Variants in VPS4B observed in about 807,000 individuals in gnomAD.
VPS4B encodes the protein vacuolar protein sorting 4 homolog B.
A neutral mutation model predicts 56.1 loss-of-function variants in VPS4B; 23 were observed. That is an observed-to-expected ratio of 0.41 (90% CI 0.30 to 0.58). VPS4B has a LOEUF of 0.58. VPS4B is among the 20% of genes least tolerant of loss of function. The pLI, the probability that VPS4B is intolerant of heterozygous loss-of-function variation, is 0.29. For synonymous variants in VPS4B, 177 were observed against 186.0 expected (o/e 0.95, Z 0.39); for missense variants, 372 against 531.9 (o/e 0.70, Z 2.96).
chr18:63,403,481 G>A (rs1915855289), intron 5 of VPS4B, among the ~76,000 whole-genome samples: 1 of 152,172 alleles, frequency 6.6e-6, no homozygotes, highest in African/African-American at 2.4e-5. Flanking sequence ...GCATGTTGGT[G>A]AATTACCCTA....
intron 9 of VPS4B, among the ~76,000 whole-genome samples, chr18:63,395,934 G>A (rs1316722113): frequency 6.6e-6 from 1 of 152,176 alleles, no homozygotes; most frequent in Non-Finnish European, 1.5e-5. Flanking sequence ...TACTGTGTTA[G>A]CACCTACGTC....
intron 9 of VPS4B, among the ~76,000 whole-genome samples, chr18:63,395,909 C>T (rs534073189): frequency 3.3e-5 from 5 of 152,340 alleles, no homozygotes; most frequent in African/African-American, 9.6e-5. Context: ...AATCACATGT[C>T]TGTCCCACTC....
intron 9 of VPS4B, among the ~76,000 whole-genome samples, chr18:63,393,833 T>A (rs1014915432): frequency 2.0e-5 from 3 of 152,160 alleles, no homozygotes; most frequent in East Asian, 1.9e-4. Flanking sequence ...ACCTCCTGGG[T>A]TCAAGGGATT....
intron 3 of VPS4B, among the ~76,000 whole-genome samples, chr18:63,408,907 A>G (rs1915974400): frequency 6.6e-6 from 1 of 152,224 alleles, no homozygotes; most frequent in Admixed American, 6.5e-5. Flanking sequence ...AAGAGCTTCT[A>G]TGGACAAGGG....
intron 4 of VPS4B, 59 bp from the exon 5 acceptor site, chr18:63,403,885 C>T: frequency 1.3e-6 from 2 of 1,537,810 alleles, no homozygotes; most frequent in Non-Finnish European, 1.8e-6. Context: ...AGTTAGAAGA[C>T]AACATGAAAT....
At chr18:63,398,204 C>CACACACACACATATATATAT (rs1298374245) in intron 8 of VPS4B, among the ~76,000 whole-genome samples, 1 of 112,496 alleles carries the variant, frequency 8.9e-6, no homozygotes, top group African/African-American at 3.3e-5. Context: ...CACACACACA[C>CACACACACACATATATATAT]ATATATATAT....
At chr18:63,411,198 A>T (rs1328878993) in intron 2 of VPS4B, among the ~76,000 whole-genome samples, 2 of 152,272 alleles carry the variant, frequency 1.3e-5, no homozygotes, top group Non-Finnish European at 2.9e-5. Flanking sequence ...ATCTGTAAAG[A>T]CACAAATAGA....
intron 1 of VPS4B, among the ~76,000 whole-genome samples, chr18:63,421,903 A>C (rs1200183784): frequency 1.3e-5 from 2 of 152,220 alleles, no homozygotes; most frequent in African/African-American, 2.4e-5. Context: ...GGTCCAGAAT[A>C]GGGCTTTGCA....
chr18:63,402,214 G>A (rs1915827341), intron 5 of VPS4B, among the ~76,000 whole-genome samples: 1 of 152,176 alleles, frequency 6.6e-6, no homozygotes, highest in Non-Finnish European at 1.5e-5. Context: ...ATAACATGAA[G>A]TACTTTTAGG....
chr18:63,419,247 TCCC>T (rs1337527238), intron 1 of VPS4B, among the ~76,000 whole-genome samples: 5 of 152,106 alleles, frequency 3.3e-5, no homozygotes, highest in Non-Finnish European at 7.3e-5. Flanking sequence ...ACACAGCGAA[TCCC>T]CGTCTCTACA....
At chr18:63,417,959 G>A (rs965231244) in intron 1 of VPS4B, among the ~76,000 whole-genome samples, 1 of 152,178 alleles carries the variant, frequency 6.6e-6, no homozygotes, top group African/African-American at 2.4e-5. Context: ...TACCTCAGAA[G>A]AGGTGTCCCA....
At chr18:63,415,302 A>C (rs1916137162) in intron 1 of VPS4B, 1 of 161,776 alleles carries the variant, frequency 6.2e-6, no homozygotes, top group Non-Finnish European at 1.4e-5. Flanking sequence ...GATCCATACA[A>C]AGGACATCCC....
chr18:63,403,913 G>T, intron 4 of VPS4B, 87 bp from the exon 5 acceptor site: 5 of 1,436,250 alleles, frequency 3.5e-6, no homozygotes, highest in South Asian at 1.4e-5. Context: ...TTAAAGAAAC[G>T]CATTATAAAA....
chr18:63,400,663 C>G lies in VPS4B; in HGVS notation c.525G>C (p.Pro175=), dbSNP rs776104597. Residue 175 remains proline, a synonymous_variant, in exon 6 of 11, where the codon CCG becomes CCC. Transcript: ENST00000238497. ...TPWRGILLFG[P]PGTGKSYLAK... The stretch of plus-strand genomic sequence containing the variant: ...CTAAGTAGGACTTTCCTGTTCCAGG[C>G]GGCCCAAATAATAGGATTCCCCTCC... 69 of 1,604,514 alleles carry G rather than the reference C, an allele frequency of 4.3e-5. No individual in the cohort carries two copies. Among genetic ancestry groups the G allele is most frequent in the Middle Eastern group, 3.3e-4 (2 of 6,052 alleles).
intron 1 of VPS4B, among the ~76,000 whole-genome samples, chr18:63,413,285 C>T (rs112678410): frequency 6.6e-6 from 1 of 152,284 alleles, no homozygotes; most frequent in African/African-American, 2.4e-5. Context: ...CTTACAACTG[C>T]GTGTGAATCT....
chr18:63,392,392 A>G (rs1488791428), intron 10 of VPS4B, among the ~76,000 whole-genome samples: 4 of 152,206 alleles, frequency 2.6e-5, no homozygotes, highest in Admixed American at 2.6e-4. Flanking sequence ...TTGAGAAGTG[A>G]AATAGAAAAC....
Position 63,422,323 on chromosome 18 carries a change from G to A in VPS4B, c.-64C>T. On this transcript the variant is annotated 5_prime_UTR_variant, in exon 1 of 11. Transcript: ENST00000238497. ...GAGGAGAGCCAACAGCAGCAACGTC[G>A]AAGCGCGCACGGGGTAACAGCCCTC... The A allele has an allele frequency of 5.6e-6, 8 of 1,423,230 alleles. No individual in the cohort carries two copies. Among genetic ancestry groups the A allele is most frequent in the Non-Finnish European group, 7.4e-6 (8 of 1,078,606 alleles). The allele number at this position is 1,423,230 out of a possible 1,614,324, so 88.2% of individuals were successfully genotyped here. A position where few individuals can be genotyped will look rare whatever the true frequency, so the allele number is the denominator to read the frequency against.
intron 8 of VPS4B, among the ~76,000 whole-genome samples, chr18:63,397,495 T>C (rs1196522442): frequency 6.6e-6 from 1 of 152,184 alleles, no homozygotes; most frequent in Non-Finnish European, 1.5e-5. Flanking sequence ...AGTGTTCCTA[T>C]GTCTGGAATT....
intron 4 of VPS4B, among the ~76,000 whole-genome samples, chr18:63,406,876 T>C (rs1425582993): frequency 6.6e-6 from 1 of 152,244 alleles, no homozygotes; most frequent in African/African-American, 2.4e-5. Context: ...CAAAAACCTA[T>C]GTCCCCTCTG....
Sources: allele counts gnomAD v4.1 joint callset (sites outside exome capture counted in the v4.1 genomes callset), GRCh38; gene constraint gnomAD v4.1.1; transcripts MANE v1.5; gene names NCBI Gene and HGNC (gene_info 2026-07-23, HGNC 2026-07-21).